The following SLC8B1 variants were observed in gnomAD, a reference collection of about 807,000 sequenced individuals.
SLC8B1 encodes solute carrier family 8 member B1, also known as mitochondrial sodium/calcium exchanger protein.
Under a neutral mutation model 63.4 loss-of-function variants are expected in SLC8B1, and 52 were observed. That is an observed-to-expected ratio of 0.82 (90% confidence interval 0.66 to 1.03). The LOEUF is 1.03. SLC8B1 is among the 50% of genes least tolerant of loss of function. The probability of loss-of-function intolerance (pLI) is 0.00; values close to 1 mark genes in which losing one functional copy is unlikely to be tolerated. For missense variants in SLC8B1, 657 were observed against 741.7 expected (o/e 0.89, Z 1.33); for synonymous variants, 336 against 323.9 (o/e 1.04, Z -0.40).
In SLC8B1 at chr12:113,320,319, A is replaced by T. The variant is rs1956903223; in HGVS notation, c.694+12T>A. ...CCCTGGGATCTCACGCCTGAGCCCC[A>T]GAGCTGCTCACCCAGAGCCCATGCC... On this transcript the variant is annotated intron_variant, in intron 7 of 15. Coordinates refer to ENST00000680972, the MANE Select transcript of SLC8B1 (RefSeq NM_001358345.2). This position sits in a 1 kb window ranked among gnomAD's most constrained non-coding sequence, Gnocchi z 5.3. The T allele has an allele frequency of 3.7e-6, 6 of 1,613,512 alleles. No individual in the cohort carries two copies. Among genetic ancestry groups the T allele is most frequent in the African/African-American group, 1.3e-5 (1 of 74,924 alleles).
At chr12:113,311,010 G>T (rs61932121) in intron 11 of SLC8B1, among the ~76,000 whole-genome samples, 9,415 of 152,150 alleles carry the variant, frequency 0.062, 327 homozygotes, top group Middle Eastern at 0.068. Context: ...CAAATGACAG[G>T]GGGCTTAAGA....
intron 2 of SLC8B1, among the ~76,000 whole-genome samples, chr12:113,323,898 C>T (rs1956962405): frequency 6.6e-6 from 1 of 152,118 alleles, no homozygotes. Flanking sequence ...CCAATTTTTG[C>T]TAAGAGCTCT....
intron 8 of SLC8B1, 22 bp downstream of exon 8, chr12:113,318,942 G>T: frequency 2.5e-6 from 4 of 1,602,290 alleles, no homozygotes; most frequent in Non-Finnish European, 3.4e-6. Context: ...GGTCCTCTCT[G>T]GGGTCCGATG....
At chr12:113,319,604 C>T (rs1391685400) in intron 7 of SLC8B1, among the ~76,000 whole-genome samples, 6 of 152,140 alleles carry the variant, frequency 3.9e-5, no homozygotes, top group Non-Finnish European at 7.4e-5. Flanking sequence ...GCGTTCGCAG[C>T]TCCCATTGTT....
intron 11 of SLC8B1, among the ~76,000 whole-genome samples, chr12:113,314,672 T>C (rs1001374901): frequency 2.0e-4 from 30 of 152,316 alleles, no homozygotes; most frequent in African/African-American, 7.0e-4. Context: ...AGGCACCCCA[T>C]AGGGGGTGCC....
At chr12:113,329,633 T>G (rs919528683) in intron 2 of SLC8B1, among the ~76,000 whole-genome samples, 1 of 152,154 alleles carries the variant, frequency 6.6e-6, no homozygotes, top group Non-Finnish European at 1.5e-5. Flanking sequence ...GCTCTGCGTC[T>G]GGGGGAGGGA....
intron 13 of SLC8B1, 78 bp downstream of exon 13, chr12:113,307,613 G>A (rs1467198016): frequency 2.6e-6 from 4 of 1,529,810 alleles, no homozygotes; most frequent in Middle Eastern, 2.3e-4. Flanking sequence ...CTGCCCAGAT[G>A]CGACTCTGGC....
At chr12:113,313,173 T>C (rs560556699) in intron 11 of SLC8B1, among the ~76,000 whole-genome samples, 2 of 152,298 alleles carry the variant, frequency 1.3e-5, no homozygotes, top group South Asian at 4.1e-4. Context: ...CCCAAAGTGC[T>C]GGGATTACAG....
Position 113,320,470 on chromosome 12 carries a change from C to T in SLC8B1, c.555G>A (p.Val185=). The change falls in exon 7 of 16, where the codon GTG becomes GTA. Residue 185 remains valine, a synonymous_variant. Coordinates refer to ENST00000680972, the MANE Select transcript of SLC8B1 (RefSeq NM_001358345.2). This position sits in a 1 kb window ranked among gnomAD's most constrained non-coding sequence, Gnocchi z 5.3. ...FGAGVLVTTV[V]AGGITILHPF... The stretch of plus-strand genomic sequence containing the variant: ...GGTGTAGGATGGTAATGCCTCCGGC[C>T]ACCACTGTGGTAACCAGCACGCCAG... 2 of 1,614,142 alleles carry T rather than the reference C, an allele frequency of 1.2e-6. No individual in the cohort carries two copies. Among genetic ancestry groups the T allele is most frequent in the Non-Finnish European group, 1.7e-6 (2 of 1,180,014 alleles).
chr12:113,302,441 G>C (rs1167277618), intron 15 of SLC8B1: 1 of 282,404 alleles, frequency 3.5e-6, no homozygotes, highest in African/African-American at 2.2e-5. Context: ...AATTTCTGCT[G>C]TTGTCAGCCC....
At chr12:113,325,427 T>A (rs929894104) in intron 2 of SLC8B1, among the ~76,000 whole-genome samples, 3 of 151,852 alleles carry the variant, frequency 2.0e-5, no homozygotes, top group Admixed American at 6.6e-5. Context: ...TTAATTTTTT[T>A]AAAAATTATT....
chr12:113,321,314 C>T lies in SLC8B1; in HGVS notation c.191G>A (p.Arg64His), dbSNP rs763544176. ...RKVCGLNVSDRCDFIRTNPDC... is the reference protein window; with the variant it reads ...RKVCGLNVSDHCDFIRTNPDC... ...AGGGTTGGTCCGGATGAAGTCACAG[C>T]GGTCAGAGACATTCAGGCCACACAC... Residue 64 changes from arginine to histidine, a missense_variant, in exon 3 of 16, where the codon CGC becomes CAC. By Grantham distance (29) the Arg-to-His change is conservative. Transcript: ENST00000680972. 55 of 1,613,932 alleles carry T rather than the reference C, an allele frequency of 3.4e-5. No individual in the cohort carries two copies. Among genetic ancestry groups the T allele is most frequent in the Non-Finnish European group, 4.2e-5 (50 of 1,180,030 alleles).
chr12:113,300,000 C>T (rs746602867), intron 15 of SLC8B1, 26 bp from the exon 16 acceptor site: 62 of 1,607,208 alleles, frequency 3.9e-5, no homozygotes, highest in Non-Finnish European at 4.2e-6. Flanking sequence ...GGGAGAGAGG[C>T]TGAGTCACTG....
At position 113,320,166 on chromosome 12, in the gene SLC8B1, A is replaced by T; in HGVS notation, c.694+165T>A. The T allele has an allele frequency of 1.3e-6, 1 of 788,832 alleles. No individual in the cohort carries two copies. The highest frequency in any genetic ancestry group is 2.6e-5 in the Admixed American group (1 of 37,902). The allele number at this position is 788,832 out of a possible 1,614,324, so 48.9% of individuals were successfully genotyped here. ...CCAGGCCTCTTTGGTTATGTGACCC[A>T]CATGTTCCCATTTTTGCTCAAGCCA... On this transcript the variant is annotated intron_variant, in intron 7 of 15. Coordinates refer to ENST00000680972, the MANE Select transcript of SLC8B1 (RefSeq NM_001358345.2). This position sits in a 1 kb window ranked among gnomAD's most constrained non-coding sequence, Gnocchi z 5.3.
chr12:113,327,979 C>CAAAAAAAAAAAA (rs76685425), intron 2 of SLC8B1, among the ~76,000 whole-genome samples: 1 of 86,740 alleles, frequency 1.2e-5, no homozygotes. Context: ...ACTACGTCTC[C>CAAAAAAAAAAAA]AAAAAAAAAA....
chr12:113,326,504 A>T (rs1364802467), intron 2 of SLC8B1, among the ~76,000 whole-genome samples: 1 of 152,094 alleles, frequency 6.6e-6, no homozygotes, highest in Non-Finnish European at 1.5e-5. Context: ...AGGAGCTGGG[A>T]TCACAGATAT....
intron 2 of SLC8B1, among the ~76,000 whole-genome samples, chr12:113,327,194 G>A (rs1957006309): frequency 1.3e-5 from 2 of 152,108 alleles, no homozygotes. Flanking sequence ...TGGGGGCCAG[G>A]GAAGCAGGCG....
At position 113,315,387 on chromosome 12, in the gene SLC8B1, C is replaced by G; in HGVS notation, c.1083G>C (p.Leu361=). ...CAACCAGGGGGCTGATAACCAGATG[C>G]AGACAGTTGAGGGGCCGTTTCCAGT... is the stretch of plus-strand genomic sequence containing the variant. ...DQNWKRPLNC[L]HLVISPLVVV... The change falls in exon 11 of 16, where the codon CTG becomes CTC. Residue 361 remains leucine (L), a synonymous_variant. Transcript: ENST00000680972. 6.4e-7 allele frequency: 1 copy of G among 1,569,400 alleles called. No homozygotes were observed. The highest frequency in any genetic ancestry group is 8.6e-7 in the Non-Finnish European group (1 of 1,156,832).
At position 113,304,360 on chromosome 12, in the gene SLC8B1, G is replaced by GCCCA; in HGVS notation, c.1514_1517dup (p.Cys507GlyfsTer70). ...GGCTTCGGGAGATCTGGAGCAGGCA[G>GCCCA]CCCAGCCCCACACCCACGAGGATGT... On this transcript the variant is annotated frameshift_variant, in exon 15 of 16. Coordinates refer to ENST00000680972, the MANE Select transcript of SLC8B1 (RefSeq NM_001358345.2). LOFTEE classifies it high-confidence loss of function. 6.2e-7 allele frequency: 1 copy of GCCCA among 1,613,988 alleles called. No homozygotes were observed. The highest frequency in any genetic ancestry group is 8.5e-7 in the Non-Finnish European group (1 of 1,179,948).
Sources: allele counts gnomAD v4.1 joint callset (sites outside exome capture counted in the v4.1 genomes callset), GRCh38; gene constraint gnomAD v4.1.1; non-coding constraint Gnocchi (gnomAD v3.1); transcripts MANE v1.5; gene names NCBI Gene and HGNC (gene_info 2026-07-23, HGNC 2026-07-21).